The following PPARGC1A variants were observed in gnomAD, a reference collection of about 807,000 sequenced individuals.
The protein encoded by PPARGC1A is PPARG coactivator 1 alpha, also known as peroxisome proliferator-activated receptor gamma coactivator 1-alpha.
In PPARGC1A, 25 loss-of-function variants were observed where a neutral mutation model predicts 88.7. The observed-to-expected ratio is 0.28, with a 90% CI of 0.21 to 0.39. The LOEUF is 0.39. Among genes scored for constraint, PPARGC1A ranks in the 10% least tolerant of loss-of-function variants. PPARGC1A has a pLI of 1.00. For synonymous variants in PPARGC1A, 363 were observed against 355.6 expected, an observed-to-expected ratio of 1.02 and a Z score of -0.24; for missense variants, 880 against 968.7, an observed-to-expected ratio of 0.91 and a Z score of 1.22.
the PPARGC1A span, among the ~76,000 whole-genome samples, chr4:23,989,822 T>C: frequency 6.6e-6 from 1 of 151,562 alleles, no homozygotes. Context: ...TTTGACAAGA[T>C]TTAAAATGAT....
the PPARGC1A span, among the ~76,000 whole-genome samples, chr4:24,331,676 C>A: frequency 6.6e-6 from 1 of 152,072 alleles, no homozygotes; most frequent in Non-Finnish European, 1.5e-5. Flanking sequence ...TTTCCCCTAT[C>A]ATGTCAGTTG....
At chr4:24,438,484 T>C in the PPARGC1A span, among the ~76,000 whole-genome samples, 1 of 152,364 alleles carries the variant, frequency 6.6e-6, no homozygotes, top group South Asian at 2.1e-4. Flanking sequence ...GCAATAAAGT[T>C]TATTCCCAAT....
chr4:24,079,866 T>C, the PPARGC1A span, among the ~76,000 whole-genome samples: 117 of 152,172 alleles, frequency 7.7e-4, no homozygotes, highest in African/African-American at 2.7e-3. Flanking sequence ...GCTCTTATAT[T>C]CAATAGTCTG....
At chr4:24,436,146 G>C in the PPARGC1A span, among the ~76,000 whole-genome samples, 1 of 152,166 alleles carries the variant, frequency 6.6e-6, no homozygotes, top group Non-Finnish European at 1.5e-5. Flanking sequence ...TTCCCAGCCA[G>C]GATAAAAGTG....
chr4:23,830,343 A>G (rs1451156150), intron 3 of PPARGC1A, among the ~76,000 whole-genome samples: 1 of 152,158 alleles, frequency 6.6e-6, no homozygotes, highest in Non-Finnish European at 1.5e-5. Flanking sequence ...CTGTTTCTTC[A>G]TTTCACTGGA....
the PPARGC1A span, among the ~76,000 whole-genome samples, chr4:24,366,371 C>T: frequency 6.6e-6 from 1 of 152,102 alleles, no homozygotes; most frequent in Admixed American, 6.5e-5. Context: ...TATGTGGGAG[C>T]TGAAATTTAC....
the PPARGC1A span, among the ~76,000 whole-genome samples, chr4:24,090,097 C>T: frequency 1.6e-3 from 236 of 152,240 alleles, 1 homozygote; most frequent in Non-Finnish European, 2.6e-3. Context: ...CACAGTCTTC[C>T]TCCCTTCACT....
chr4:23,801,213 A>G (rs12506291), intron 12 of PPARGC1A, among the ~76,000 whole-genome samples: 53,440 of 150,966 alleles, frequency 0.35, 9,893 homozygotes, highest in Middle Eastern at 0.5. Context: ...ACACACACAC[A>G]TGAATCATAA....
chr4:24,008,965 AT>A, the PPARGC1A span, among the ~76,000 whole-genome samples: 1 of 152,056 alleles, frequency 6.6e-6, no homozygotes, highest in African/African-American at 2.4e-5. Flanking sequence ...ATCTTAGGTC[AT>A]TTTTACAGCA....
intron 10 of PPARGC1A, among the ~76,000 whole-genome samples, chr4:23,803,692 A>G (rs11935499): frequency 0.028 from 4,310 of 152,272 alleles, 211 homozygotes; most frequent in African/African-American, 0.099. Context: ...ACTAGTTTGT[A>G]TGTATACTAA....
chr4:24,374,150 A>G, the PPARGC1A span, among the ~76,000 whole-genome samples: 6 of 152,358 alleles, frequency 3.9e-5, no homozygotes, highest in Middle Eastern at 3.4e-3. Flanking sequence ...CCAAAAGATG[A>G]TGGTTAACAC....
the PPARGC1A span, among the ~76,000 whole-genome samples, chr4:24,208,077 G>C: frequency 6.6e-6 from 1 of 152,030 alleles, no homozygotes; most frequent in Admixed American, 6.6e-5. Context: ...CCAGGAGTTT[G>C]AGACCAGCCT....
the PPARGC1A span, among the ~76,000 whole-genome samples, chr4:24,221,571 G>A: frequency 6.6e-6 from 1 of 152,030 alleles, no homozygotes; most frequent in Non-Finnish European, 1.5e-5. Context: ...AAACATAGAG[G>A]AAATATTTGC....
intron 7 of PPARGC1A, among the ~76,000 whole-genome samples, chr4:23,818,046 CCCTTGATGCCACTA>C (rs1722303690): frequency 6.6e-6 from 1 of 152,160 alleles, no homozygotes; most frequent in Non-Finnish European, 1.5e-5. Flanking sequence ...AGTGCTCAAT[CCCTTGATGCCACTA>C]CCTTTGCTCA....
At chr4:24,322,855 T>A in the PPARGC1A span, among the ~76,000 whole-genome samples, 1 of 152,224 alleles carries the variant, frequency 6.6e-6, no homozygotes, top group Non-Finnish European at 1.5e-5. Context: ...GGCTGCACTC[T>A]CCACTTTGGT....
the PPARGC1A span, among the ~76,000 whole-genome samples, chr4:24,412,595 C>A: frequency 6.6e-6 from 1 of 152,176 alleles, no homozygotes; most frequent in Non-Finnish European, 1.5e-5. Flanking sequence ...ATTCTCCTGC[C>A]TCAGCCTCCC....
chr4:24,334,814 T>C, the PPARGC1A span, among the ~76,000 whole-genome samples: 1 of 152,230 alleles, frequency 6.6e-6, no homozygotes, highest in African/African-American at 2.4e-5. Context: ...CATAGTTATG[T>C]TGGAGATTAG....
the PPARGC1A span, among the ~76,000 whole-genome samples, chr4:24,195,548 C>T: frequency 1.3e-5 from 2 of 152,204 alleles, no homozygotes; most frequent in South Asian, 2.1e-4. Context: ...GGTAAATACT[C>T]GGACCAGATT....
At chr4:24,116,021 CA>C in the PPARGC1A span, among the ~76,000 whole-genome samples, 1 of 152,122 alleles carries the variant, frequency 6.6e-6, no homozygotes, top group South Asian at 2.1e-4. Flanking sequence ...GGAACTGACA[CA>C]AGCAGATGAG....
Sources: gnomAD v4.1 joint callset for allele counts (sites outside exome capture counted in the v4.1 genomes callset) on GRCh38, gnomAD v4.1.1 for gene constraint, MANE v1.5 for transcripts, NCBI Gene and HGNC (gene_info 2026-07-23, HGNC 2026-07-21) for gene names.